INSR: variants seen among roughly 807,000 people sequenced by gnomAD.
INSR encodes the protein insulin receptor.
A neutral mutation model predicts 142.6 loss-of-function variants in INSR; 67 were observed. The ratio of observed to expected loss-of-function variants is 0.47; its 90% CI spans 0.39 to 0.58. INSR has a LOEUF of 0.58. INSR is among the 20% of genes least tolerant of loss of function. INSR has a pLI of 0.00. For missense variants in INSR, 1,248 were observed against 1,833.2 expected (o/e 0.68, Z 5.83); for synonymous variants, 756 against 743.1 (o/e 1.02, Z -0.28).
At chr19:7,268,716 T>A (rs1470524874) in intron 1 of INSR, 1 of 459,232 alleles carries the variant, frequency 2.2e-6, no homozygotes, top group African/African-American at 2.1e-5. Flanking sequence ...GCTGCACTAA[T>A]GTCAGCTATT....
At chr19:7,146,999 G>A (rs1025285621) in intron 11 of INSR, among the ~76,000 whole-genome samples, 1 of 151,930 alleles carries the variant, frequency 6.6e-6, no homozygotes, top group Admixed American at 6.6e-5. Context: ...ATAGTTTAAA[G>A]TTTATTTCTT....
chr19:7,269,038 C>CCACACACA (rs141333611), intron 1 of INSR, among the ~76,000 whole-genome samples: 23,291 of 146,692 alleles, frequency 0.16, 2,030 homozygotes, highest in Middle Eastern at 0.21. Flanking sequence ...ACCCACACAC[C>CCACACACA]CACACACACA....
Position 7,286,776 on chromosome 19 carries a change from C to T in INSR, c.100+7016G>A, listed in dbSNP as rs144225237. On this transcript the variant is annotated intron_variant, in intron 1 of 21. Coordinates refer to ENST00000302850, the MANE Select transcript of INSR (RefSeq NM_000208.4). ...CTTTTTGCAATGAGAATGCATTACC[C>T]GTCACTATTTAATTAAAAACTGTAA... 2.5e-4 allele frequency among the ~76,000 whole-genome samples: 38 copies of T among 151,870 alleles called. No homozygotes were observed. In the East Asian group the frequency reaches 6.2e-3, roughly 25 times the overall value.
chr19:7,133,681 G>A (rs533198657), intron 13 of INSR, among the ~76,000 whole-genome samples: 5 of 152,320 alleles, frequency 3.3e-5, no homozygotes, highest in Admixed American at 3.3e-4. Flanking sequence ...GGTCAAGATG[G>A]TGAAACCCCC....
chr19:7,263,915 A>G (rs1299079682), intron 2 of INSR, among the ~76,000 whole-genome samples: 1 of 152,154 alleles, frequency 6.6e-6, no homozygotes, highest in Admixed American at 6.5e-5. Flanking sequence ...CACCCCTGTA[A>G]TCCCAGCACT....
rs969148513 is a variant in INSR, at chr19:7,150,282, G to A, written c.2267+215C>T. On this transcript the variant is annotated intron_variant, in intron 11 of 21. Transcript: ENST00000302850. The surrounding 1 kb of genome is among the most constrained non-coding windows in gnomAD (Gnocchi z 4.2). ...CCCATGATTCTATGTTTTAGCAAGA[G>A]TGTGTTAGTGAAGGTTTCTCCCCAC... Among the ~76,000 whole-genome samples, 1 of 152,252 alleles carries A rather than the reference G, an allele frequency of 6.6e-6. No homozygotes were observed. Among genetic ancestry groups the A allele is most frequent in the African/African-American group, 2.4e-5 (1 of 41,470 alleles).
intron 2 of INSR, among the ~76,000 whole-genome samples, chr19:7,198,544 A>G (rs909505167): frequency 3.3e-5 from 5 of 152,116 alleles, no homozygotes; most frequent in African/African-American, 9.7e-5. Flanking sequence ...AGCTCCCGGG[A>G]CTGCCGAGGG....
Position 7,290,131 on chromosome 19 carries a change from A to T in INSR, c.100+3661T>A, listed in dbSNP as rs543711483. 2.6e-5 allele frequency among the ~76,000 whole-genome samples: 4 copies of T among 152,282 alleles called. No homozygotes were observed. The East Asian group carries it at 7.7e-4, about 29-fold the overall frequency. On this transcript the variant is annotated intron_variant, in intron 1 of 21. Coordinates refer to ENST00000302850, the MANE Select transcript of INSR (RefSeq NM_000208.4). ...ATAAGAATAACTGCAGAGGCCAGAC[A>T]CCGTGGCTCATGCCTGTGATCCCAG...
chr19:7,284,288 C>G (rs909220185), intron 1 of INSR, among the ~76,000 whole-genome samples: 11 of 151,858 alleles, frequency 7.2e-5, no homozygotes, highest in Admixed American at 1.3e-4. Context: ...TGGTCTCAAA[C>G]TCTGGCCTCA....
chr19:7,272,433 C>T (rs1289568142), intron 1 of INSR, among the ~76,000 whole-genome samples: 6 of 151,994 alleles, frequency 3.9e-5, no homozygotes, highest in African/African-American at 9.7e-5. Context: ...GCTTGGCCAA[C>T]GTGGTGAAAA....
chr19:7,144,805 C>T (rs1973151578), intron 11 of INSR, among the ~76,000 whole-genome samples: 1 of 151,118 alleles, frequency 6.6e-6, no homozygotes, highest in Admixed American at 6.6e-5. Context: ...TTACTAGGTT[C>T]AGGGAGATAA....
intron 2 of INSR, among the ~76,000 whole-genome samples, chr19:7,194,346 G>A (rs1194543486): frequency 2.0e-5 from 3 of 151,920 alleles, no homozygotes; most frequent in Admixed American, 2.0e-4. Flanking sequence ...GAACCCAGGA[G>A]GCAGTCGTTG....
chr19:7,207,065 A>G (rs1268336723), intron 2 of INSR, among the ~76,000 whole-genome samples: 8 of 152,134 alleles, frequency 5.3e-5, no homozygotes, highest in African/African-American at 1.4e-4. Flanking sequence ...TGATTATAGA[A>G]TGCCGAGAAT....
intron 2 of INSR, among the ~76,000 whole-genome samples, chr19:7,261,747 T>G (rs1421600538): frequency 6.6e-6 from 1 of 152,090 alleles, no homozygotes; most frequent in Non-Finnish European, 1.5e-5. Context: ...GCCAGGCTGG[T>G]CTCGAACTCC....
intron 2 of INSR, among the ~76,000 whole-genome samples, chr19:7,189,599 G>A (rs534774381): frequency 2.8e-4 from 43 of 152,068 alleles, no homozygotes; most frequent in African/African-American, 9.2e-4. Flanking sequence ...ATAAAAGCAA[G>A]TGATGGGCCA....
chr19:7,161,934 G>A (rs1973758669), intron 9 of INSR, among the ~76,000 whole-genome samples: 2 of 152,176 alleles, frequency 1.3e-5, no homozygotes, highest in Admixed American at 6.6e-5. Context: ...TGTAATCCCA[G>A]CGCTTTGGGA....
chr19:7,293,756 G>A, intron 1 of INSR, 36 bp downstream of exon 1: 1 of 1,321,110 alleles, frequency 7.6e-7, no homozygotes, highest in Non-Finnish European at 9.7e-7. Context: ...TCCCCATCGC[G>A]GCGCTCCCCG....
chr19:7,203,884 ATATTT>A (rs35883676), intron 2 of INSR, among the ~76,000 whole-genome samples: 1 of 152,126 alleles, frequency 6.6e-6, no homozygotes, highest in African/African-American at 2.4e-5. Context: ...TTTAACTTTT[ATATTT>A]TATTTTATTT....
rs1974092508 is a variant in INSR, at chr19:7,174,574, G to C, written c.1123+9C>G. On this transcript the variant is annotated intron_variant, in intron 4 of 21. Transcript: ENST00000302850. ...CAGGCACCCCCGACGCCCACACAGA[G>C]ACACTCACTGCCTCCTCGAATGTTG... 1 of 1,613,788 alleles carries C rather than the reference G, an allele frequency of 6.2e-7. No individual in the cohort carries two copies.
Sources: gnomAD v4.1 joint callset for allele counts (sites outside exome capture counted in the v4.1 genomes callset) on GRCh38, gnomAD v4.1.1 for gene constraint, Gnocchi (gnomAD v3.1) non-coding constraint, MANE v1.5 for transcripts, NCBI Gene and HGNC (gene_info 2026-07-23, HGNC 2026-07-21) for gene names.